Variants in ARPC2 observed in about 807,000 individuals in gnomAD.
The protein encoded by ARPC2 is actin-related protein 2/3 complex subunit 2.
A neutral mutation model predicts 38.6 loss-of-function variants in ARPC2; 4 were observed. The observed-to-expected ratio is 0.10, with a 90% CI of 0.05 to 0.24. The LOEUF is 0.24. ARPC2 is among the 10% of genes least tolerant of loss of function. The pLI is 1.00. For missense variants in ARPC2, 229 were observed against 387.3 expected, an observed-to-expected ratio of 0.59 and a Z score of 3.43; for synonymous variants, 125 against 140.8, an observed-to-expected ratio of 0.89 and a Z score of 0.79.
intron 10 of ARPC2, 44 bp downstream of exon 10, chr2:218,249,965 C>T: frequency 1.3e-6 from 2 of 1,500,616 alleles, no homozygotes; most frequent in Non-Finnish European, 1.8e-6. Flanking sequence ...TCTCCTGAGT[C>T]ACCGAGAAGG....
intron 7 of ARPC2, among the ~76,000 whole-genome samples, chr2:218,244,989 A>G (rs1173267253): frequency 1.3e-5 from 2 of 152,206 alleles, no homozygotes; most frequent in African/African-American, 4.8e-5. Context: ...CACCAAGACA[A>G]CTCAGCTTCT....
intron 8 of ARPC2, among the ~76,000 whole-genome samples, chr2:218,245,761 T>C (rs1690016073): frequency 6.6e-6 from 1 of 152,156 alleles, no homozygotes; most frequent in South Asian, 2.1e-4. Context: ...AATCCTTTCC[T>C]TTTTTTCCCC....
intron 5 of ARPC2, among the ~76,000 whole-genome samples, chr2:218,237,388 G>T (rs751292447): frequency 6.6e-6 from 1 of 151,772 alleles, no homozygotes; most frequent in South Asian, 2.1e-4. Flanking sequence ...TATTAGAGAC[G>T]GGGTTTTGCC....
chr2:218,217,966 G>C (rs1689294486), intron 2 of ARPC2, among the ~76,000 whole-genome samples: 1 of 152,186 alleles, frequency 6.6e-6, no homozygotes, highest in African/African-American at 2.4e-5. Flanking sequence ...GGAATTCCCA[G>C]GACTGGAGGA....
At chr2:218,245,578 G>A (rs758409769) in intron 8 of ARPC2, 32 bp downstream of exon 8, 64 of 1,612,392 alleles carry the variant, frequency 4.0e-5, no homozygotes, top group Non-Finnish European at 4.8e-5. Flanking sequence ...CTTTTGTGCC[G>A]CTTTAATGAG....
At chr2:218,251,472 A>G (rs1292064622) in intron 10 of ARPC2, among the ~76,000 whole-genome samples, 2 of 152,070 alleles carry the variant, frequency 1.3e-5, no homozygotes, top group East Asian at 3.9e-4. Context: ...TCAGCTTCCC[A>G]AAGTGTTGGG....
intron 7 of ARPC2, among the ~76,000 whole-genome samples, chr2:218,241,946 C>T (rs192494409): frequency 1.2e-4 from 18 of 152,322 alleles, no homozygotes; most frequent in Non-Finnish European, 7.4e-5. Context: ...ATAAATAGAA[C>T]TTTTTCCTAG....
intron 2 of ARPC2, among the ~76,000 whole-genome samples, chr2:218,222,325 C>T (rs1481277028): frequency 2.0e-5 from 3 of 151,968 alleles, no homozygotes; most frequent in African/African-American, 7.3e-5. Flanking sequence ...GTAAAAACCC[C>T]AAAGTTGTTA....
At chr2:218,249,487 A>C in intron 9 of ARPC2, 23 bp downstream of exon 9, 3 of 1,534,282 alleles carry the variant, frequency 2.0e-6, no homozygotes, top group South Asian at 1.1e-5. Context: ...CCAGCATCTC[A>C]GCCTCTATGC....
At chr2:218,231,965 C>T (rs1446532132) in intron 4 of ARPC2, among the ~76,000 whole-genome samples, 2 of 151,998 alleles carry the variant, frequency 1.3e-5, no homozygotes, top group Admixed American at 6.6e-5. Context: ...GTAGGCCAGG[C>T]GCAGTGGCTC....
At chr2:218,246,575 T>C (rs1231828587) in intron 8 of ARPC2, among the ~76,000 whole-genome samples, 1 of 151,968 alleles carries the variant, frequency 6.6e-6, no homozygotes, top group African/African-American at 2.4e-5. Flanking sequence ...GCACAGTGGC[T>C]CATACCTGTA....
chr2:218,248,312 C>T (rs1052187038), intron 8 of ARPC2, among the ~76,000 whole-genome samples: 1 of 152,256 alleles, frequency 6.6e-6, no homozygotes, highest in Non-Finnish European at 1.5e-5. Flanking sequence ...CCTTAGGAGG[C>T]ATTCCTTTTC....
At chr2:218,244,041 T>C (rs1689974154) in intron 7 of ARPC2, among the ~76,000 whole-genome samples, 1 of 152,226 alleles carries the variant, frequency 6.6e-6, no homozygotes, top group Admixed American at 6.5e-5. Context: ...AAAAAGCTTC[T>C]TAACCCCTTT....
chr2:218,238,928 G>A lies in ARPC2; in HGVS notation c.455+78G>A. 3.3e-6 allele frequency: 4 copies of A among 1,199,020 alleles called. No individual in the cohort carries two copies. In the South Asian group the frequency reaches 4.5e-5, roughly 14 times the overall value. The allele number at this position is 1,199,020 out of a possible 1,614,324, so 74.3% of individuals were successfully genotyped here. A position where few individuals can be genotyped will look rare whatever the true frequency, so the allele number is the denominator to read the frequency against. On this transcript the variant is annotated intron_variant, in intron 6 of 10. Transcript: ENST00000315717. ...GCACTTACTGAAAGAAATATGGCTT[G>A]GTCAAACTTTCAGCTGTATTGCGTG...
Position 218,249,749 on chromosome 2 carries a change from TC to T in ARPC2, c.778-71del, listed in dbSNP as rs1690136649. 4 of 1,441,522 alleles carry T rather than the reference TC, an allele frequency of 2.8e-6. No homozygotes were observed. The South Asian group carries it at 4.8e-5, about 17-fold the overall frequency. 89.3% of individuals were successfully genotyped at this position (1,441,522 alleles called of 1,614,324 possible). A position where few individuals can be genotyped will look rare whatever the true frequency, so the allele number is the denominator to read the frequency against. The stretch of plus-strand genomic sequence containing the variant: ...GTTCCCAACCGCCCTTGATGACCTC[TC>T]TGATGAAAGACAGCAAAGCTGTCTT... On this transcript the variant is annotated intron_variant, in intron 9 of 10. Coordinates refer to ENST00000315717, the MANE Select transcript of ARPC2 (RefSeq NM_152862.3).
At chr2:218,245,923 A>C (rs899507497) in intron 8 of ARPC2, among the ~76,000 whole-genome samples, 1 of 152,132 alleles carries the variant, frequency 6.6e-6, no homozygotes, top group African/African-American at 2.4e-5. Context: ...GAAGGAGACA[A>C]GTACAGTTTT....
chr2:218,253,777 GCCCTTTCCACCT>G, intron 10 of ARPC2, 102 bp from the exon 11 acceptor site: 1 of 1,339,866 alleles, frequency 7.5e-7, no homozygotes, highest in South Asian at 1.5e-5. Flanking sequence ...AAGGAATCTA[GCCCTTTCCACCT>G]CTCATTTGGT....
At chr2:218,249,944 G>C (rs768777238) in intron 10 of ARPC2, 23 bp downstream of exon 10, 1 of 1,568,464 alleles carries the variant, frequency 6.4e-7, no homozygotes, top group South Asian at 1.1e-5. Context: ...GCACCCCAGC[G>C]ACCACCTTCC....
At chr2:218,252,624 A>T (rs937882258) in intron 10 of ARPC2, among the ~76,000 whole-genome samples, 22 of 152,320 alleles carry the variant, frequency 1.4e-4, no homozygotes, top group Admixed American at 1.3e-3. Flanking sequence ...GTGAGAGGGA[A>T]GCCTGACCTG....
Sources: gnomAD v4.1 joint callset for allele counts (sites outside exome capture counted in the v4.1 genomes callset) on GRCh38, gnomAD v4.1.1 for gene constraint, MANE v1.5 for transcripts, NCBI Gene and HGNC (gene_info 2026-07-23, HGNC 2026-07-21) for gene names.